Variants in EYA4 observed in about 807,000 individuals in gnomAD.
EYA4 encodes protein phosphatase EYA4.
EYA4 carries 31 observed loss-of-function variants against 87.9 expected under a neutral mutation model. That is an observed-to-expected ratio of 0.35 (90% CI 0.27 to 0.48). The LOEUF (loss-of-function observed/expected upper bound fraction) is 0.48, where lower values mean the gene tolerates loss of function less well. Ranked by LOEUF, EYA4 falls within the 20% of genes least tolerant of loss-of-function variation. EYA4 has a pLI of 0.99. For synonymous variants in EYA4, 263 were observed against 270.6 expected, an observed-to-expected ratio of 0.97 and a Z score of 0.28; for missense variants, 678 against 761.4, an observed-to-expected ratio of 0.89 and a Z score of 1.29.
chr6:133,287,368 C>T (rs1778147181), intron 2 of EYA4, among the ~76,000 whole-genome samples: 1 of 152,144 alleles, frequency 6.6e-6, no homozygotes, highest in Non-Finnish European at 1.5e-5. Context: ...TTTGTATGGA[C>T]AGAAGAGAAC....
intron 11 of EYA4, among the ~76,000 whole-genome samples, chr6:133,476,358 CTT>C (rs1166223259): frequency 6.6e-5 from 10 of 152,038 alleles, no homozygotes; most frequent in Admixed American, 6.6e-5. Context: ...ACTTACTCCT[CTT>C]GTCTAGCTGA....
chr6:133,387,345 T>A (rs910069803), intron 3 of EYA4, among the ~76,000 whole-genome samples: 6 of 152,232 alleles, frequency 3.9e-5, no homozygotes, highest in African/African-American at 1.4e-4. Flanking sequence ...TGAGGGCTCC[T>A]TTGTGAAACA....
chr6:133,322,001 G>A (rs1781128959), intron 2 of EYA4, among the ~76,000 whole-genome samples: 1 of 152,160 alleles, frequency 6.6e-6, no homozygotes, highest in Non-Finnish European at 1.5e-5. Flanking sequence ...ATCAGTTACA[G>A]CCCTATGACT....
chr6:133,406,283 G>A (rs296429), intron 3 of EYA4, among the ~76,000 whole-genome samples: 93,689 of 152,018 alleles, frequency 0.62, 30,724 homozygotes, highest in Non-Finnish European at 0.73. Flanking sequence ...CTCATGACAC[G>A]AGATGAGCTC....
chr6:133,296,042 G>A (rs1778920459), intron 2 of EYA4, among the ~76,000 whole-genome samples: 2 of 152,184 alleles, frequency 1.3e-5, no homozygotes, highest in South Asian at 4.1e-4. Flanking sequence ...TCGGTGATCA[G>A]GGAAGGCTCC....
At chr6:133,409,596 A>G (rs887956739) in intron 3 of EYA4, among the ~76,000 whole-genome samples, 2 of 152,218 alleles carry the variant, frequency 1.3e-5, no homozygotes, top group African/African-American at 4.8e-5. Context: ...AAATACAACT[A>G]TAACCTATGT....
At chr6:133,414,045 A>T (rs182255406) in intron 3 of EYA4, among the ~76,000 whole-genome samples, 1 of 151,696 alleles carries the variant, frequency 6.6e-6, no homozygotes, top group Admixed American at 6.6e-5. Flanking sequence ...TACTGTTACT[A>T]CTCCAGTTCA....
At chr6:133,492,778 A>T (rs752548126) in intron 13 of EYA4, among the ~76,000 whole-genome samples, 3 of 152,254 alleles carry the variant, frequency 2.0e-5, no homozygotes, top group Non-Finnish European at 2.9e-5. Flanking sequence ...ATCAATCAAC[A>T]TACAAAAATC....
At chr6:133,290,139 C>T (rs956581309) in intron 2 of EYA4, among the ~76,000 whole-genome samples, 2 of 152,124 alleles carry the variant, frequency 1.3e-5, no homozygotes, top group Non-Finnish European at 2.9e-5. Context: ...TGCATTAACT[C>T]ATTTAATTCT....
intron 2 of EYA4, 130 bp downstream of exon 2, chr6:133,274,943 T>G (rs1777042364): frequency 1.3e-6 from 1 of 754,646 alleles, no homozygotes; most frequent in Non-Finnish European, 2.2e-6. Flanking sequence ...TGAATTTCCT[T>G]TCAAAGACCA....
chr6:133,357,821 G>A (rs144116551), intron 2 of EYA4, among the ~76,000 whole-genome samples: 1,935 of 152,094 alleles, frequency 0.013, 40 homozygotes, highest in African/African-American at 0.043. Context: ...CAGATTTTGC[G>A]CTGTGGTAAT....
chr6:133,260,707 T>A (rs915741007), intron 1 of EYA4, among the ~76,000 whole-genome samples: 1 of 152,208 alleles, frequency 6.6e-6, no homozygotes, highest in Non-Finnish European at 1.5e-5. Context: ...ACATTTAGAA[T>A]TTACATCCTG....
intron 1 of EYA4, among the ~76,000 whole-genome samples, chr6:133,254,758 GA>G (rs1454406343): frequency 2.6e-5 from 4 of 152,150 alleles, no homozygotes; most frequent in African/African-American, 9.7e-5. Flanking sequence ...CAGATCAGAA[GA>G]GAGATCTAGC....
chr6:133,505,387 C>CT (rs1798509774), intron 13 of EYA4, among the ~76,000 whole-genome samples: 1 of 152,134 alleles, frequency 6.6e-6, no homozygotes, highest in Non-Finnish European at 1.5e-5. Context: ...CATTTTAACT[C>CT]TTTACTGACC....
chr6:133,418,317 G>C (rs1789920945), intron 3 of EYA4, among the ~76,000 whole-genome samples: 1 of 152,156 alleles, frequency 6.6e-6, no homozygotes, highest in South Asian at 2.1e-4. Flanking sequence ...CATTCTTCAT[G>C]GATGTGACAG....
At position 133,259,348 on chromosome 6, in the gene EYA4, C is replaced by T. The variant is rs1042729816; in HGVS notation, c.-65-15368C>T. On this transcript the variant is annotated intron_variant, in intron 1 of 19. Transcript: ENST00000355286. ...CAGGACACATAGCAGGGAAGCATAA[C>T]GTTGAGTTGACTCAAAACACCAAAT... is the stretch of plus-strand genomic sequence containing the variant. Among the ~76,000 whole-genome samples, 28 of 152,178 alleles carry T rather than the reference C, an allele frequency of 1.8e-4. 1 individual carries two copies. The highest frequency in any genetic ancestry group is 3.3e-4 in the Admixed American group (5 of 15,274).
intron 19 of EYA4, chr6:133,525,829 A>G (rs1351725717): frequency 1.3e-6 from 1 of 785,160 alleles, no homozygotes; most frequent in African/African-American, 1.9e-5. Flanking sequence ...AACTGCTACA[A>G]GAGATTTTAA....
chr6:133,416,750 C>A (rs1401177471), intron 3 of EYA4, among the ~76,000 whole-genome samples: 4 of 152,178 alleles, frequency 2.6e-5, no homozygotes, highest in Admixed American at 6.5e-5. Flanking sequence ...AAGAGTAGAA[C>A]CACACTCCTT....
At chr6:133,431,825 C>G (rs1407194197) in intron 3 of EYA4, among the ~76,000 whole-genome samples, 6 of 151,810 alleles carry the variant, frequency 4.0e-5, no homozygotes. Flanking sequence ...TAATTTTATG[C>G]AATATTTAAA....
Sources: allele counts gnomAD v4.1 joint callset (sites outside exome capture counted in the v4.1 genomes callset), GRCh38; gene constraint gnomAD v4.1.1; transcripts MANE v1.5; gene names NCBI Gene and HGNC (gene_info 2026-07-23, HGNC 2026-07-21).